The following CDC14A variants were observed in gnomAD, a reference collection of about 807,000 sequenced individuals.
CDC14A encodes the protein cell division cycle 14A.
Under a neutral mutation model 74.4 loss-of-function variants are expected in CDC14A, and 53 were observed. That is an observed-to-expected ratio of 0.71 (90% CI 0.57 to 0.89). The LOEUF is 0.89. Among genes scored for constraint, CDC14A ranks in the 40% least tolerant of loss-of-function variants. The pLI is 0.00. For missense variants in CDC14A, 646 were observed against 713.7 expected (o/e 0.91, Z 1.08); for synonymous variants, 247 against 258.4 (o/e 0.96, Z 0.43).
At chr1:100,347,746 C>A (rs991201034), upstream of CDC14A, among the ~76,000 whole-genome samples, 5 of 151,614 alleles carry the variant, frequency 3.3e-5, no homozygotes, top group African/African-American at 1.2e-4. Flanking sequence ...CAGGTTTTTA[C>A]TACGTTTCAT....
At chr1:100,504,510 C>T (rs148766483) in intron 15 of CDC14A, among the ~76,000 whole-genome samples, 1 of 152,270 alleles carries the variant, frequency 6.6e-6, no homozygotes, top group African/African-American at 2.4e-5. Flanking sequence ...CTATTCAACT[C>T]AATACATAAA....
chr1:100,474,604 A>AGT (rs1189149529), intron 10 of CDC14A, among the ~76,000 whole-genome samples: 19 of 67,576 alleles, frequency 2.8e-4, no homozygotes, highest in South Asian at 7.8e-4. Context: ...ATGTTTGTGG[A>AGT]GTGTGTTTTT....
chr1:100,362,108 T>C (rs1240215881), intron 2 of CDC14A, among the ~76,000 whole-genome samples: 3 of 152,096 alleles, frequency 2.0e-5, no homozygotes, highest in Non-Finnish European at 4.4e-5. Flanking sequence ...GTTTTGAGGA[T>C]TGGAGATAGG....
intron 5 of CDC14A, among the ~76,000 whole-genome samples, chr1:100,430,192 A>AT (rs992637993): frequency 1.3e-5 from 2 of 152,006 alleles, no homozygotes; most frequent in Admixed American, 1.3e-4. Context: ...TTTGTGGAAC[A>AT]TTTTTTTTAT....
intron 15 of CDC14A, among the ~76,000 whole-genome samples, chr1:100,503,168 G>C (rs1210470012): frequency 6.6e-6 from 1 of 152,168 alleles, no homozygotes; most frequent in Non-Finnish European, 1.5e-5. Flanking sequence ...TAAGATAGGA[G>C]ATTATGAGTT....
chr1:100,422,424 A>G (rs543005362), intron 4 of CDC14A, among the ~76,000 whole-genome samples: 1 of 152,362 alleles, frequency 6.6e-6, no homozygotes, highest in East Asian at 1.9e-4. Flanking sequence ...TTTAGCAACC[A>G]GTCACCTTTC....
intron 2 of CDC14A, 40 bp downstream of exon 2, chr1:100,353,892 G>A (rs962761074): frequency 1.5e-5 from 18 of 1,197,394 alleles, no homozygotes; most frequent in Non-Finnish European, 2.0e-5. Context: ...TGGCCATTCA[G>A]CTTGTTCTTT....
In CDC14A at chr1:100,462,781, C is replaced by T. The variant is rs780843522; in HGVS notation, c.738C>T (p.Asp246=). 3.7e-6 allele frequency: 6 copies of T among 1,613,908 alleles called. No homozygotes were observed. The highest frequency in any genetic ancestry group is 1.1e-5 in the South Asian group (1 of 91,086). Residue 246 remains aspartate (D), a synonymous_variant, in exon 9 of 16, where the codon GAC becomes GAT. Transcript: ENST00000336454. ...CAGACGCTGGCTTCGAGCACTATGA[C>T]CTCTTCTTCATAGATGGCAGCACAC... ...RFTDAGFEHY[D]LFFIDGSTPS...
At chr1:100,432,233 A>G (rs1302491411) in intron 5 of CDC14A, among the ~76,000 whole-genome samples, 1 of 152,180 alleles carries the variant, frequency 6.6e-6, no homozygotes, top group East Asian at 1.9e-4. Context: ...TTCGTCTTGT[A>G]GGTCTCAATG....
chr1:100,463,419 T>C (rs7512667), intron 9 of CDC14A, among the ~76,000 whole-genome samples: 8,901 of 152,220 alleles, frequency 0.058, 886 homozygotes, highest in African/African-American at 0.2. Context: ...TAGCTTACAA[T>C]GCTGCTGATG....
chr1:100,365,527 G>A (rs553633337), intron 2 of CDC14A, among the ~76,000 whole-genome samples: 1 of 152,216 alleles, frequency 6.6e-6, no homozygotes, highest in Non-Finnish European at 1.5e-5. Context: ...AGATGAGGAC[G>A]TGGAGTCCCA....
chr1:100,444,059 T>C (rs1665258051), intron 7 of CDC14A, among the ~76,000 whole-genome samples: 1 of 152,214 alleles, frequency 6.6e-6, no homozygotes, highest in Admixed American at 6.5e-5. Context: ...GCAACATATC[T>C]GAAAAGAAAC....
chr1:100,434,434 T>C (rs1054554342), intron 5 of CDC14A, among the ~76,000 whole-genome samples: 2 of 152,148 alleles, frequency 1.3e-5, no homozygotes, highest in African/African-American at 4.8e-5. Flanking sequence ...TTGAGAGCAA[T>C]GGGAAGTCAG....
chr1:100,428,129 C>T (rs927742695), intron 5 of CDC14A, among the ~76,000 whole-genome samples: 1 of 152,132 alleles, frequency 6.6e-6, no homozygotes, highest in African/African-American at 2.4e-5. Context: ...AGATTCTATT[C>T]ACCTAGTTAA....
chr1:100,464,067 C>A (rs28364889), intron 9 of CDC14A, among the ~76,000 whole-genome samples: 169 of 152,240 alleles, frequency 1.1e-3, no homozygotes, highest in African/African-American at 3.7e-3. Flanking sequence ...AATTAAAATG[C>A]CGTTTTGTAG....
chr1:100,485,575 A>T (rs773053420), intron 11 of CDC14A, among the ~76,000 whole-genome samples: 15 of 152,280 alleles, frequency 9.9e-5, no homozygotes, highest in Non-Finnish European at 2.2e-4. Flanking sequence ...AAAGTAAAAA[A>T]GAAAAAAAGA....
intron 7 of CDC14A, among the ~76,000 whole-genome samples, chr1:100,452,606 ATC>A (rs1571226652): frequency 1.3e-5 from 2 of 152,344 alleles, no homozygotes; most frequent in East Asian, 3.9e-4. Context: ...AAAGCTGTGA[ATC>A]TTTTGTAGAT....
At chr1:100,404,538 A>G (rs1437480098) in intron 4 of CDC14A, among the ~76,000 whole-genome samples, 1 of 152,204 alleles carries the variant, frequency 6.6e-6, no homozygotes, top group Non-Finnish European at 1.5e-5. Context: ...TAATAAAACT[A>G]AATAGTGGGA....
At chr1:100,392,410 A>G (rs1359782338) in intron 4 of CDC14A, among the ~76,000 whole-genome samples, 2 of 151,166 alleles carry the variant, frequency 1.3e-5, no homozygotes, top group African/African-American at 2.4e-5. Context: ...TTTCTCATAA[A>G]GGATTGCCAT....
Sources: allele counts gnomAD v4.1 joint callset (sites outside exome capture counted in the v4.1 genomes callset), GRCh38; gene constraint gnomAD v4.1.1; transcripts MANE v1.5; gene names NCBI Gene and HGNC (gene_info 2026-07-23, HGNC 2026-07-21).